Variants in KCNB2 observed in about 807,000 individuals in gnomAD.
The protein encoded by KCNB2 is potassium voltage-gated channel subfamily B member 2.
Under a neutral mutation model 61.5 loss-of-function variants are expected in KCNB2, and 15 were observed. The observed-to-expected ratio is 0.24, with a 90% confidence interval of 0.16 to 0.38. KCNB2 has a LOEUF of 0.38. KCNB2 is among the 10% of genes least tolerant of loss of function. KCNB2 has a pLI of 1.00. For synonymous variants in KCNB2, 457 were observed against 446.0 expected, an observed-to-expected ratio of 1.02 and a Z score of -0.31; for missense variants, 828 against 1,125.2, an observed-to-expected ratio of 0.74 and a Z score of 3.78.
intron 2 of KCNB2, among the ~76,000 whole-genome samples, chr8:72,772,106 C>G (rs1253293233): frequency 1.3e-5 from 2 of 152,080 alleles, no homozygotes; most frequent in African/African-American, 4.8e-5. Context: ...GGAGAGGAGG[C>G]AAGAGCCAGG....
At chr8:72,670,332 C>A (rs1315410065) in intron 2 of KCNB2, among the ~76,000 whole-genome samples, 3 of 152,150 alleles carry the variant, frequency 2.0e-5, no homozygotes, top group Non-Finnish European at 4.4e-5. Flanking sequence ...TTTGCTAGAA[C>A]CTGGACTTGG....
At chr8:72,822,324 C>A (rs1047648052) in intron 2 of KCNB2, among the ~76,000 whole-genome samples, 52 of 152,348 alleles carry the variant, frequency 3.4e-4, no homozygotes, top group African/African-American at 1.2e-3. Flanking sequence ...GTGTCACACA[C>A]AGGGCCAGTG....
At position 72,783,855 on chromosome 8, in the gene KCNB2, T is replaced by C. The variant is rs572954404; in HGVS notation, c.580-152080T>C. On this transcript the variant is annotated intron_variant, in intron 2 of 2. Coordinates refer to ENST00000523207, the MANE Select transcript of KCNB2 (RefSeq NM_004770.3). ...AGCTCCTGCTTCTGTGAACATGCCC[T>C]GATATTCATGATTCCATGACCTCAT... Among the ~76,000 whole-genome samples the C allele has an allele frequency of 3.9e-5, 6 of 152,282 alleles. No individual in the cohort carries two copies. In the South Asian group the frequency reaches 1.2e-3, roughly 32 times the overall value.
intron 2 of KCNB2, among the ~76,000 whole-genome samples, chr8:72,662,755 G>GT (rs1163902634): frequency 6.6e-6 from 1 of 152,202 alleles, no homozygotes; most frequent in Admixed American, 6.5e-5. Context: ...AGCAAGGGGA[G>GT]TGGGACAGGA....
At chr8:72,653,889 A>C (rs73688737) in intron 2 of KCNB2, among the ~76,000 whole-genome samples, 2,061 of 152,330 alleles carry the variant, frequency 0.014, 43 homozygotes, top group African/African-American at 0.047. Flanking sequence ...ATTTGGTTTT[A>C]GGATTGACAC....
intron 2 of KCNB2, among the ~76,000 whole-genome samples, chr8:72,647,037 C>T (rs1029407293): frequency 2.6e-5 from 4 of 152,036 alleles, no homozygotes; most frequent in Non-Finnish European, 5.9e-5. Context: ...GAGGGTTTCC[C>T]GAGTCTCTCT....
chr8:72,936,786 C>A lies in KCNB2; in HGVS notation c.1431C>A (p.Asn477Lys). The A allele has an allele frequency of 6.2e-7, 1 of 1,614,114 alleles. No homozygotes were observed. The highest frequency in any genetic ancestry group is 1.1e-5 in the South Asian group (1 of 91,074). ...VAVEKAGESA[N>K]TKDSADDNHL... is the part of the protein sequence containing the mutation. The stretch of plus-strand genomic sequence containing the variant: ...TTGAGAAGGCCGGAGAGTCCGCCAA[C>A]ACAAAGGACTCCGCCGACGATAATC... The change falls in exon 3 of 3, where the codon AAC (asparagine) becomes AAA (lysine). Residue 477 changes from asparagine to lysine, a missense_variant. Coordinates refer to ENST00000523207, the MANE Select transcript of KCNB2 (RefSeq NM_004770.3). The surrounding 1 kb of genome is among the most constrained non-coding windows in gnomAD (Gnocchi z 5.6).
At chr8:72,556,471 A>G (rs564383357) in intron 1 of KCNB2, among the ~76,000 whole-genome samples, 5 of 152,248 alleles carry the variant, frequency 3.3e-5, no homozygotes, top group Non-Finnish European at 5.9e-5. Context: ...CTCACTAATG[A>G]TAAGGATGGA....
At chr8:72,851,495 A>G (rs1189583121) in intron 2 of KCNB2, among the ~76,000 whole-genome samples, 2 of 152,188 alleles carry the variant, frequency 1.3e-5, no homozygotes, top group African/African-American at 4.8e-5. Flanking sequence ...AGAATTGGAC[A>G]TGGGTACCAG....
At chr8:72,560,187 A>G (rs1321214800) in intron 1 of KCNB2, among the ~76,000 whole-genome samples, 4 of 152,222 alleles carry the variant, frequency 2.6e-5, no homozygotes, top group Admixed American at 6.5e-5. Flanking sequence ...GTCCTTGTAC[A>G]TGAATATTAC....
intron 2 of KCNB2, among the ~76,000 whole-genome samples, chr8:72,853,444 A>G (rs1374611174): frequency 1.3e-5 from 2 of 152,034 alleles, no homozygotes; most frequent in Non-Finnish European, 2.9e-5. Context: ...GCACCATCCT[A>G]CTTTCCTCAC....
At chr8:72,798,895 A>G (rs553672610) in intron 2 of KCNB2, among the ~76,000 whole-genome samples, 1 of 152,280 alleles carries the variant, frequency 6.6e-6, no homozygotes, top group Non-Finnish European at 1.5e-5. Flanking sequence ...GGAAGTGACA[A>G]AAAAGTGAAG....
At chr8:72,666,901 C>T (rs941223180) in intron 2 of KCNB2, among the ~76,000 whole-genome samples, 1 of 151,276 alleles carries the variant, frequency 6.6e-6, no homozygotes, top group Admixed American at 6.6e-5. Flanking sequence ...TTTTGGTTTT[C>T]CTTTCTACTT....
chr8:72,697,885 T>A lies in KCNB2; in HGVS notation c.579+129572T>A, dbSNP rs139228982. On this transcript the variant is annotated intron_variant, in intron 2 of 2. Coordinates refer to ENST00000523207, the MANE Select transcript of KCNB2 (RefSeq NM_004770.3). ...CAGCAGCATCAGCATCATCTGACAG[T>A]TGTTAGAGATACCAATGCTGGGCCC... is the stretch of plus-strand genomic sequence containing the variant. Among the ~76,000 whole-genome samples, 1,260 of 152,208 alleles carry A rather than the reference T, an allele frequency of 8.3e-3. 12 individuals carry two copies. Among genetic ancestry groups the A allele is most frequent in the African/African-American group, 0.028 (1,183 of 41,530 alleles).
intron 2 of KCNB2, among the ~76,000 whole-genome samples, chr8:72,791,837 C>A (rs1808947399): frequency 6.6e-6 from 1 of 152,166 alleles, no homozygotes; most frequent in South Asian, 2.1e-4. Flanking sequence ...AAAGAAAAGA[C>A]CTCAAGTAAC....
Position 72,937,325 on chromosome 8 carries a change from A to G in KCNB2, c.1970A>G (p.Glu657Gly), listed in dbSNP as rs16938507. The change falls in exon 3 of 3, where the codon GAG becomes GGG. Residue 657 changes from glutamate (E) to glycine (G), a missense_variant. Coordinates refer to ENST00000523207, the MANE Select transcript of KCNB2 (RefSeq NM_004770.3). Reference protein sequence around the residue: ...RGPPFLTLSREKGPAARDGTL... With the variant: ...RGPPFLTLSRGKGPAARDGTL... ...CCCCCGTTTCTAACTCTATCCAGAG[A>G]GAAAGGACCTGCTGCCAGGGATGGC... 2.4e-3 allele frequency: 3,885 copies of G among 1,614,006 alleles called. 80 individuals carry two copies. The African/African-American group carries it at 0.047, about 20-fold the overall frequency.
intron 2 of KCNB2, among the ~76,000 whole-genome samples, chr8:72,707,975 A>T (rs888319216): frequency 2.6e-5 from 4 of 152,156 alleles, no homozygotes; most frequent in African/African-American, 9.7e-5. Context: ...AGGCCTGAAG[A>T]GTTGAGGAAA....
intron 2 of KCNB2, among the ~76,000 whole-genome samples, chr8:72,908,024 T>G (rs1165138329): frequency 6.6e-6 from 1 of 152,202 alleles, no homozygotes; most frequent in African/African-American, 2.4e-5. Flanking sequence ...TTTCAACCTT[T>G]TGAATCATAT....
chr8:72,592,394 C>T (rs1256480808), intron 2 of KCNB2, among the ~76,000 whole-genome samples: 1 of 151,858 alleles, frequency 6.6e-6, no homozygotes, highest in Non-Finnish European at 1.5e-5. Context: ...TAGCTGAAAA[C>T]TATTAAGACT....
Sources: allele counts gnomAD v4.1 joint callset (sites outside exome capture counted in the v4.1 genomes callset), GRCh38; gene constraint gnomAD v4.1.1; non-coding constraint Gnocchi (gnomAD v3.1); transcripts MANE v1.5; gene names NCBI Gene and HGNC (gene_info 2026-07-23, HGNC 2026-07-21).